The following RBMS1 variants were observed in gnomAD, a reference collection of about 807,000 sequenced individuals.
RBMS1 encodes the protein RNA-binding motif, single-stranded-interacting protein 1.
A neutral mutation model predicts 62.3 loss-of-function variants in RBMS1; 17 were observed. The observed-to-expected ratio is 0.27, with a 90% confidence interval of 0.19 to 0.41. RBMS1 has a LOEUF of 0.41. Among genes scored for constraint, RBMS1 ranks in the 10% least tolerant of loss-of-function variants. The pLI is 1.00. For synonymous variants in RBMS1, 172 were observed against 170.0 expected, an observed-to-expected ratio of 1.01 and a Z score of -0.09; for missense variants, 334 against 504.5, an observed-to-expected ratio of 0.66 and a Z score of 3.24.
chr2:160,395,112 A>G (rs1194278813), intron 1 of RBMS1, among the ~76,000 whole-genome samples: 1 of 152,240 alleles, frequency 6.6e-6, no homozygotes, highest in Non-Finnish European at 1.5e-5. Flanking sequence ...ATGAAGTCAG[A>G]CAAATATCTC....
rs1559537439 is a variant in RBMS1 at position 160,426,293 on chromosome 2, A to AAAG, written c.76-58903_76-58902insCTT. ...AGAAAGAAAGAAAGAAAGAAAGAAA[A>AAAG]GAAAGAAGGAAGGAAGGAAGGAAGG... is the stretch of plus-strand genomic sequence containing the variant. On this transcript the variant is annotated intron_variant, in intron 1 of 13. Transcript: ENST00000348849. 1.2e-4 allele frequency among the ~76,000 whole-genome samples: 7 copies of AAAG among 60,424 alleles called. 1 individual carries two copies. Among genetic ancestry groups the AAAG allele is most frequent in the South Asian group, 7.3e-4 (1 of 1,362 alleles). 39.6% of individuals were successfully genotyped at this position (60,424 alleles called of 152,430 possible).
At chr2:160,489,731 A>G (rs1330086807) in intron 1 of RBMS1, among the ~76,000 whole-genome samples, 1 of 152,144 alleles carries the variant, frequency 6.6e-6, no homozygotes, top group Non-Finnish European at 1.5e-5. Flanking sequence ...TCGTATAGAC[A>G]TTTCTTCAGC....
intron 1 of RBMS1, among the ~76,000 whole-genome samples, chr2:160,472,152 C>T (rs1010020640): frequency 6.6e-6 from 1 of 152,102 alleles, no homozygotes; most frequent in Non-Finnish European, 1.5e-5. Context: ...AATCTTCCTC[C>T]TCGTTTTGAG....
intron 1 of RBMS1, among the ~76,000 whole-genome samples, chr2:160,426,919 CA>C (rs1402262406): frequency 3.3e-5 from 5 of 152,184 alleles, no homozygotes; most frequent in African/African-American, 1.2e-4. Context: ...GTGGTTTGGT[CA>C]AGGAATGGAA....
intron 4 of RBMS1, among the ~76,000 whole-genome samples, chr2:160,311,240 A>ATATATATCTC (rs1553505465): frequency 1.1e-5 from 1 of 91,482 alleles, no homozygotes. Context: ...ATCTATATAT[A>ATATATATCTC]TATATATATA....
At chr2:160,461,637 T>A (rs893354821) in intron 1 of RBMS1, among the ~76,000 whole-genome samples, 1 of 152,256 alleles carries the variant, frequency 6.6e-6, no homozygotes, top group Non-Finnish European at 1.5e-5. Flanking sequence ...CTGCAGAAGA[T>A]ACCCCAGCTG....
In RBMS1 at chr2:160,311,242, A is replaced by ATATATATC. The variant is rs1553505474; in HGVS notation, c.402+1913_402+1914insGATATATA. 8.4e-3 allele frequency among the ~76,000 whole-genome samples: 1,041 copies of ATATATATC among 123,648 alleles called. 38 individuals are homozygous for ATATATATC. Among genetic ancestry groups the ATATATATC allele is most frequent in the African/African-American group, 0.026 (936 of 36,522 alleles). The allele number at this position is 123,648 out of a possible 152,430, so 81.1% of individuals were successfully genotyped here. ...TATCTATCTATCTATCTATATATAT[A>ATATATATC]TATATATATATATATAGTCTGTTTA... On this transcript the variant is annotated intron_variant, in intron 4 of 13. Coordinates refer to ENST00000348849, the MANE Select transcript of RBMS1 (RefSeq NM_016836.4).
chr2:160,312,723 A>T (rs1357631076), intron 4 of RBMS1, among the ~76,000 whole-genome samples: 1 of 152,090 alleles, frequency 6.6e-6, no homozygotes, highest in Non-Finnish European at 1.5e-5. Flanking sequence ...TGCCAGTTAT[A>T]TATATTTTTG....
intron 1 of RBMS1, among the ~76,000 whole-genome samples, chr2:160,449,473 C>A (rs1683864582): frequency 6.6e-6 from 1 of 152,226 alleles, no homozygotes; most frequent in African/African-American, 2.4e-5. Context: ...CCATTTTGTT[C>A]TGTACTAAGA....
At chr2:160,404,882 G>A (rs1171467180) in intron 1 of RBMS1, among the ~76,000 whole-genome samples, 1 of 152,194 alleles carries the variant, frequency 6.6e-6, no homozygotes, top group African/African-American at 2.4e-5. Flanking sequence ...CTATGATGCA[G>A]ATAAGTTCTC....
intron 1 of RBMS1, among the ~76,000 whole-genome samples, chr2:160,441,872 C>T (rs998497583): frequency 2.6e-5 from 4 of 152,092 alleles, no homozygotes; most frequent in Non-Finnish European, 1.5e-5. Context: ...GTGAAATGGC[C>T]TCGAATTATG....
intron 1 of RBMS1, among the ~76,000 whole-genome samples, chr2:160,483,795 A>C (rs2105360448): frequency 6.6e-6 from 1 of 152,266 alleles, no homozygotes; most frequent in East Asian, 1.9e-4. Flanking sequence ...ACACACTTTG[A>C]AACTGTTCAG....
At chr2:160,457,884 A>G (rs960895327) in intron 1 of RBMS1, among the ~76,000 whole-genome samples, 1 of 152,166 alleles carries the variant, frequency 6.6e-6, no homozygotes, top group African/African-American at 2.4e-5. Flanking sequence ...GTGAGGGCAA[A>G]ACAAATATGC....
intron 1 of RBMS1, among the ~76,000 whole-genome samples, chr2:160,397,305 G>A (rs530040079): frequency 1.3e-5 from 2 of 151,860 alleles, no homozygotes; most frequent in East Asian, 3.9e-4. Context: ...AGACAACCTC[G>A]CCTCCTTACT....
intron 9 of RBMS1, chr2:160,283,716 T>C (rs184567267): frequency 2.1e-4 from 32 of 152,336 alleles, no homozygotes; most frequent in Admixed American, 1.2e-3. Context: ...ATCATGCATA[T>C]TAATGATAAT....
At chr2:160,450,587 C>T (rs1304082519) in intron 1 of RBMS1, among the ~76,000 whole-genome samples, 1 of 89,680 alleles carries the variant, frequency 1.1e-5, no homozygotes, top group African/African-American at 3.7e-5. Flanking sequence ...AAACAAAAAA[C>T]ATTAACCCAG....
chr2:160,435,368 G>A (rs1444786406), intron 1 of RBMS1, among the ~76,000 whole-genome samples: 1 of 152,202 alleles, frequency 6.6e-6, no homozygotes, highest in East Asian at 1.9e-4. Flanking sequence ...AGGTGGAGAA[G>A]AAATTATTAT....
intron 4 of RBMS1, among the ~76,000 whole-genome samples, chr2:160,304,066 G>A (rs989839884): frequency 2.6e-5 from 4 of 152,078 alleles, no homozygotes; most frequent in Admixed American, 1.3e-4. Context: ...TCAATTCTGG[G>A]TAGGGAAAAT....
At chr2:160,400,050 GCTCCTCCCCAT>G (rs1695355533) in intron 1 of RBMS1, among the ~76,000 whole-genome samples, 1 of 152,036 alleles carries the variant, frequency 6.6e-6, no homozygotes, top group Non-Finnish European at 1.5e-5. Flanking sequence ...AGCACTCCCT[GCTCCTCCCCAT>G]CTTGCTCTGG....
Sources: gnomAD v4.1 joint callset for allele counts (sites outside exome capture counted in the v4.1 genomes callset) on GRCh38, gnomAD v4.1.1 for gene constraint, MANE v1.5 for transcripts, NCBI Gene and HGNC (gene_info 2026-07-23, HGNC 2026-07-21) for gene names.